WASHC5: variants seen among roughly 807,000 people sequenced by gnomAD.
WASHC5 encodes the protein WASH complex subunit strumpellin.
A neutral mutation model predicts 150.4 loss-of-function variants in WASHC5; 101 were observed. The ratio of observed to expected loss-of-function variants is 0.67; its 90% CI spans 0.57 to 0.79. The LOEUF (loss-of-function observed/expected upper bound fraction) is 0.79, where lower values mean the gene tolerates loss of function less well. Ranked by LOEUF, WASHC5 falls within the 30% of genes least tolerant of loss-of-function variation. WASHC5 has a pLI of 0.00. For synonymous variants in WASHC5, 467 were observed against 491.2 expected, an observed-to-expected ratio of 0.95 and a Z score of 0.65; for missense variants, 1,195 against 1,396.3, an observed-to-expected ratio of 0.86 and a Z score of 2.30.
At position 125,067,460 on chromosome 8, in the gene WASHC5, A is replaced by G. The variant is rs535665248; in HGVS notation, c.1278+132T>C. 1.2e-4 allele frequency: 92 copies of G among 767,386 alleles called. 1 individual carries two copies. The highest frequency in any genetic ancestry group is 1.1e-3 in the South Asian group (70 of 64,346). The allele number at this position is 767,386 out of a possible 1,614,324, so 47.5% of individuals were successfully genotyped here. On this transcript the variant is annotated intron_variant, in intron 10 of 28. Transcript: ENST00000318410. Reference sequence around the variant, plus strand: ...TGTTTATTCCTGTCCTTTAACTATAAGAACTATCTCAACAGCTCAAATCTG... The same window carrying G: ...TGTTTATTCCTGTCCTTTAACTATAGGAACTATCTCAACAGCTCAAATCTG...
At chr8:125,071,973 C>A (rs757755813) in intron 9 of WASHC5, among the ~76,000 whole-genome samples, 1 of 152,112 alleles carries the variant, frequency 6.6e-6, no homozygotes, top group Non-Finnish European at 1.5e-5. Context: ...CCAGCAATGG[C>A]CAGTCAGGTT....
chr8:125,071,859 G>T (rs192575527), intron 9 of WASHC5, among the ~76,000 whole-genome samples: 1 of 152,170 alleles, frequency 6.6e-6, no homozygotes, highest in East Asian at 1.9e-4. Context: ...TGATGGCTGC[G>T]CTGGGCTCCT....
Position 125,039,876 on chromosome 8 carries a change from C to T in WASHC5, c.2873G>A (p.Arg958Lys). 2 of 1,613,580 alleles carry T rather than the reference C, an allele frequency of 1.2e-6. No individual in the cohort carries two copies. The highest frequency in any genetic ancestry group is 4.5e-5 in the East Asian group (2 of 44,830). Residue 958 changes from arginine (R) to lysine (K), a missense_variant, in exon 24 of 29, where the codon AGA (arginine) becomes AAA (lysine). Around this residue, in one of 3 missense-constraint regions of WASHC5, gnomAD observed 997 missense variants for 1,168.1 expected, o/e 0.85. Coordinates refer to ENST00000318410, the MANE Select transcript of WASHC5 (RefSeq NM_014846.4). ...IMKVGQMQIL[R>K]QQIANELNYS... ...ATTTAATTCATTGGCAATCTGTTGTCTCAGAATCTGCATCTGCCCAACCTG... is the reference window on the plus strand; with the variant it reads ...ATTTAATTCATTGGCAATCTGTTGTTTCAGAATCTGCATCTGCCCAACCTG...
chr8:125,081,214 C>T (rs1563635678), intron 5 of WASHC5, among the ~76,000 whole-genome samples: 1 of 150,222 alleles, frequency 6.7e-6, no homozygotes, highest in Non-Finnish European at 1.5e-5. Flanking sequence ...CTACAATATG[C>T]TCACAAGACA....
Position 125,024,401 on chromosome 8 carries a change from C to G in WASHC5, c.*216G>C, listed in dbSNP as rs1433898453. ...GTACAAAAATGTGTTCTGCTTTTAT[C>G]TGATATAAATTGCATGTAATACCAT... On this transcript the variant is annotated 3_prime_UTR_variant, in exon 29 of 29. Transcript: ENST00000318410. 1 of 600,788 alleles carries G rather than the reference C, an allele frequency of 1.7e-6. No homozygotes were observed. Among genetic ancestry groups the G allele is most frequent in the Non-Finnish European group, 3.0e-6 (1 of 331,094 alleles). 37.2% of individuals were successfully genotyped at this position (600,788 alleles called of 1,614,324 possible).
chr8:125,056,613 C>T, intron 16 of WASHC5, 64 bp downstream of exon 16: 1 of 1,591,006 alleles, frequency 6.3e-7, no homozygotes, highest in Non-Finnish European at 8.6e-7. Flanking sequence ...GTGACACAGG[C>T]CTGTGATATT....
At chr8:125,049,272 T>A in intron 18 of WASHC5, 87 bp from the exon 19 acceptor site, 1 of 1,445,964 alleles carries the variant, frequency 6.9e-7, no homozygotes, top group Non-Finnish European at 9.7e-7. Context: ...TTAAATAGTA[T>A]AGCAGGCCAG....
intron 17 of WASHC5, among the ~76,000 whole-genome samples, chr8:125,051,972 G>C (rs954871428): frequency 2.6e-5 from 4 of 152,150 alleles, no homozygotes; most frequent in Non-Finnish European, 5.9e-5. Context: ...AGTTTCACTG[G>C]ATAATAAAAC....
chr8:125,063,774 T>G, intron 10 of WASHC5, 123 bp from the exon 11 acceptor site: 1 of 850,144 alleles, frequency 1.2e-6, no homozygotes, highest in Non-Finnish European at 1.9e-6. Flanking sequence ...TAAATTAACA[T>G]TGACCCTGAT....
chr8:125,036,428 T>C (rs578081531), intron 26 of WASHC5, among the ~76,000 whole-genome samples: 1 of 152,304 alleles, frequency 6.6e-6, no homozygotes, highest in Admixed American at 6.5e-5. Context: ...TCTCAGCCCT[T>C]TAGTTGCCGA....
chr8:125,042,436 C>G (rs1356124567), intron 23 of WASHC5, among the ~76,000 whole-genome samples: 1 of 152,162 alleles, frequency 6.6e-6, no homozygotes, highest in Admixed American at 6.5e-5. Context: ...TTAACACTGG[C>G]TCCGTGACTG....
intron 27 of WASHC5, among the ~76,000 whole-genome samples, chr8:125,030,019 C>G (rs1044486425): frequency 6.6e-6 from 1 of 152,184 alleles, no homozygotes; most frequent in African/African-American, 2.4e-5. Flanking sequence ...TCTGCTGAAT[C>G]AGAAAGCCTG....
rs368728041 is a variant in WASHC5, at chr8:125,082,442, C to A, written c.358G>T (p.Val120Phe). Residue 120 changes from valine (V) to phenylalanine (F), a missense_variant, in exon 4 of 29, where the codon GTT becomes TTT. By Grantham distance (50) the Val-to-Phe change is conservative. Coordinates refer to ENST00000318410, the MANE Select transcript of WASHC5 (RefSeq NM_014846.4). ...GTTTCTAAGGTTTGCTGAATATAAA[C>A]CCCTTCATTGAGATCATCTAGATAT... ...NRYLDDLNEG[V>F]YIQQTLETVL... 1 of 1,586,608 alleles carries A rather than the reference C, an allele frequency of 6.3e-7. No homozygotes were observed. Among genetic ancestry groups the A allele is most frequent in the Non-Finnish European group, 8.7e-7 (1 of 1,155,460 alleles).
intron 1 of WASHC5, among the ~76,000 whole-genome samples, chr8:125,084,990 C>G (rs1232391439): frequency 6.6e-6 from 1 of 152,140 alleles, no homozygotes; most frequent in East Asian, 1.9e-4. Flanking sequence ...CTGCAGCAGG[C>G]AAACAGGAAA....
At chr8:125,041,127 G>C (rs1304752174) in intron 23 of WASHC5, among the ~76,000 whole-genome samples, 1 of 152,214 alleles carries the variant, frequency 6.6e-6, no homozygotes, top group East Asian at 1.9e-4. Flanking sequence ...GGTCAGGCTT[G>C]AGAGTTCAGT....
Position 125,024,776 on chromosome 8 carries a change from G to A in WASHC5, c.3424-103C>T, listed in dbSNP as rs140825931. 1.9e-4 allele frequency: 157 copies of A among 806,398 alleles called. No homozygotes were observed. In the African/African-American group the frequency reaches 2.3e-3, roughly 12 times the overall value. 50.0% of individuals were successfully genotyped at this position (806,398 alleles called of 1,614,324 possible). A position where few individuals can be genotyped will look rare whatever the true frequency, so the allele number is the denominator to read the frequency against. On this transcript the variant is annotated intron_variant, in intron 28 of 28. Coordinates refer to ENST00000318410, the MANE Select transcript of WASHC5 (RefSeq NM_014846.4). ...TATCCTTGGAGCAAGGTGAATAATAGAAGAGGAGACTCCCATGGGCGGACG... is the reference window on the plus strand; with the variant it reads ...TATCCTTGGAGCAAGGTGAATAATAAAAGAGGAGACTCCCATGGGCGGACG...
Position 125,081,648 on chromosome 8 carries a change from A to G in WASHC5, c.518+13T>C, listed in dbSNP as rs1040491038. On this transcript the variant is annotated intron_variant, in intron 5 of 28. Coordinates refer to ENST00000318410, the MANE Select transcript of WASHC5 (RefSeq NM_014846.4). ...AGCAGCGTTTCGGAAGTGTAGTCCT[A>G]GCCCAGGAATACCTGTATCGGTAGT... 11 of 1,503,738 alleles carry G rather than the reference A, an allele frequency of 7.3e-6. No homozygotes were observed. The highest frequency in any genetic ancestry group is 1.0e-5 in the Non-Finnish European group (11 of 1,080,922). 93.1% of individuals were successfully genotyped at this position (1,503,738 alleles called of 1,614,324 possible).
At chr8:125,065,175 AG>A (rs1235445763) in intron 10 of WASHC5, among the ~76,000 whole-genome samples, 1 of 152,236 alleles carries the variant, frequency 6.6e-6, no homozygotes, top group Non-Finnish European at 1.5e-5. Flanking sequence ...GAAAAAACAC[AG>A]GTCCAATTAC....
chr8:125,063,415 G>T, intron 11 of WASHC5, 107 bp downstream of exon 11: 1 of 1,206,184 alleles, frequency 8.3e-7, no homozygotes. Flanking sequence ...AATATCATAG[G>T]ATACAATAAT....
Sources: gnomAD v4.1 joint callset for allele counts (sites outside exome capture counted in the v4.1 genomes callset) on GRCh38, gnomAD v4.1.1 for gene constraint, gnomAD v4.1.1 regional missense constraint, MANE v1.5 for transcripts, NCBI Gene and HGNC (gene_info 2026-07-23, HGNC 2026-07-21) for gene names.